The following VSTM5 variants were observed in gnomAD, a reference collection of about 807,000 sequenced individuals.
VSTM5 encodes V-set and transmembrane domain-containing protein 5.
A neutral mutation model predicts 20.3 loss-of-function variants in VSTM5; 21 were observed. That is an observed-to-expected ratio of 1.03 (90% CI 0.73 to 1.49). The LOEUF (loss-of-function observed/expected upper bound fraction) is 1.49, where lower values mean the gene tolerates loss of function less well. VSTM5 is among the 40% of genes most tolerant of loss of function. The pLI is 0.00. For missense variants in VSTM5, 219 were observed against 250.0 expected (o/e 0.88, Z 0.84); for synonymous variants, 100 against 102.5 (o/e 0.98, Z 0.14).
chr11:93,821,281 G>A lies in VSTM5; in HGVS notation c.134C>T (p.Ala45Val), dbSNP rs1290862773. 1.3e-6 allele frequency: 2 copies of A among 1,551,626 alleles called. No homozygotes were observed. Among genetic ancestry groups the A allele is most frequent in the African/African-American group, 1.4e-5 (1 of 73,028 alleles). The part of the protein sequence containing the change: ...SLYIPQATIN[A>V]TVKEDILLSV... ...GAGCAGGATGTCTTCTTTGACAGTG[G>A]CATTGATGGTGGCCTGAGGAATGTA... The change falls in exon 2 of 4, where the codon GCC (alanine) becomes GTC (valine). Residue 45 changes from alanine to valine, a missense_variant. Physicochemically the swap from Ala to Val is moderately conservative, Grantham distance 64. Coordinates refer to ENST00000409977, the MANE Select transcript of VSTM5 (RefSeq NM_001144871.2).
In VSTM5 at chr11:93,850,407, C is replaced by T. The variant is rs938157425; in HGVS notation, c.91+5G>A. 14 of 1,547,912 alleles carry T rather than the reference C, an allele frequency of 9.0e-6. No homozygotes were observed. Among genetic ancestry groups the T allele is most frequent in the African/African-American group, 1.4e-5 (1 of 72,858 alleles). ...CCAGCACCCGGGGCGTCCCCCGGAG[C>T]TTACTCTGCAGACAGCGGGCTGCGG... On this transcript the variant is annotated splice_donor_5th_base_variant and intron_variant, in intron 1 of 3. Transcript: ENST00000409977.
chr11:93,824,079 G>T (rs2510612), intron 1 of VSTM5, among the ~76,000 whole-genome samples: 152,238 of 152,238 alleles, frequency 1, 76,119 homozygotes, highest in Non-Finnish European at 1. Context: ...GGCTAATTTT[G>T]GTCTTTTTAG....
At chr11:93,849,087 G>T (rs1944436778) in intron 1 of VSTM5, among the ~76,000 whole-genome samples, 1 of 152,032 alleles carries the variant, frequency 6.6e-6, no homozygotes, top group South Asian at 2.1e-4. Flanking sequence ...AAAAATGTTA[G>T]ATCGTTCAGT....
In VSTM5 at chr11:93,850,604, T is replaced by A. The variant is rs141712974; in HGVS notation, c.-102A>T. On this transcript the variant is annotated 5_prime_UTR_variant, in exon 1 of 4. Coordinates refer to ENST00000409977, the MANE Select transcript of VSTM5 (RefSeq NM_001144871.2). Reference sequence around the variant, plus strand: ...TCCTCCGCCTCTGGCTGCCGCAGGTTCTTTAGGGCCAGATGCAGATGAGCT... The same window carrying A: ...TCCTCCGCCTCTGGCTGCCGCAGGTACTTTAGGGCCAGATGCAGATGAGCT... 3,264 of 611,158 alleles carry A rather than the reference T, an allele frequency of 5.3e-3. 93 individuals are homozygous for A. In the African/African-American group the frequency reaches 0.065, roughly 12 times the overall value. 37.9% of individuals were successfully genotyped at this position (611,158 alleles called of 1,614,324 possible).
At chr11:93,824,557 T>C (rs1452700740) in intron 1 of VSTM5, among the ~76,000 whole-genome samples, 1 of 152,230 alleles carries the variant, frequency 6.6e-6, no homozygotes, top group Non-Finnish European at 1.5e-5. Flanking sequence ...ATGAGTTTCA[T>C]GTATATTTTG....
chr11:93,839,770 T>C (rs114355321), intron 1 of VSTM5, among the ~76,000 whole-genome samples: 91 of 152,246 alleles, frequency 6.0e-4, no homozygotes, highest in African/African-American at 2.1e-3. Context: ...ATGGTTTGAA[T>C]AGTGTGTCGC....
intron 1 of VSTM5, among the ~76,000 whole-genome samples, chr11:93,846,164 A>G (rs749130887): frequency 1.4e-5 from 2 of 145,936 alleles, no homozygotes; most frequent in African/African-American, 5.6e-5. Flanking sequence ...CTTCAAAGCT[A>G]TTGATTTATA....
intron 1 of VSTM5, among the ~76,000 whole-genome samples, chr11:93,828,120 AT>A (rs1246797778): frequency 1.3e-5 from 2 of 152,246 alleles, no homozygotes; most frequent in African/African-American, 4.8e-5. Context: ...GGCCAGCAAA[AT>A]TTAAAGTTTA....
chr11:93,839,129 C>T (rs1433417029), intron 1 of VSTM5, among the ~76,000 whole-genome samples: 1 of 152,246 alleles, frequency 6.6e-6, no homozygotes, highest in Admixed American at 6.5e-5. Context: ...CTGATCTGAA[C>T]TGGGCCAATC....
intron 1 of VSTM5, among the ~76,000 whole-genome samples, chr11:93,845,787 G>A (rs1944407257): frequency 1.3e-5 from 2 of 152,256 alleles, no homozygotes; most frequent in South Asian, 4.1e-4. Flanking sequence ...GTCCCCAGAG[G>A]TATTGTGCAC....
chr11:93,849,798 C>G (rs986487877), intron 1 of VSTM5, among the ~76,000 whole-genome samples: 3 of 152,184 alleles, frequency 2.0e-5, no homozygotes, highest in Admixed American at 6.5e-5. Context: ...ATTCCGGGTC[C>G]GGCCATCCAA....
chr11:93,836,350 C>T (rs1187431896), intron 1 of VSTM5, among the ~76,000 whole-genome samples: 2 of 152,234 alleles, frequency 1.3e-5, no homozygotes, highest in Non-Finnish European at 2.9e-5. Context: ...TTGTCTGGCT[C>T]TCCATTGCTC....
At chr11:93,821,897 G>A (rs549345913) in intron 1 of VSTM5, 22 of 152,682 alleles carry the variant, frequency 1.4e-4, no homozygotes, top group Middle Eastern at 3.4e-3. Flanking sequence ...CTGAGTAAAT[G>A]AATAAGTGAA....
intron 1 of VSTM5, among the ~76,000 whole-genome samples, chr11:93,842,195 T>G (rs1321117237): frequency 6.6e-6 from 1 of 152,220 alleles, no homozygotes; most frequent in Non-Finnish European, 1.5e-5. Context: ...GGTAAGGTAA[T>G]GATCTCCCCA....
chr11:93,821,207 A>G lies in VSTM5; in HGVS notation c.208T>C (p.Ser70Pro), dbSNP rs1231670219. 1 of 1,552,112 alleles carries G rather than the reference A, an allele frequency of 6.4e-7. No individual in the cohort carries two copies. ...HGVPTIEWTY[S>P]SNWGTQKIVE... is the part of the protein sequence containing the mutation. ...ATCTTCTGCGTTCCCCAATTGGATG[A>G]ATATGTCCATTCGATGGTGGGCACT... Residue 70 changes from serine to proline, a missense_variant, in exon 2 of 4, where the codon TCA becomes CCA. By Grantham distance (74) the Ser-to-Pro change is moderately conservative (BLOSUM62 -1). Transcript: ENST00000409977.
At chr11:93,825,599 T>C (rs936907157) in intron 1 of VSTM5, among the ~76,000 whole-genome samples, 1 of 152,266 alleles carries the variant, frequency 6.6e-6, no homozygotes, top group Admixed American at 6.5e-5. Context: ...ATAGGGTATC[T>C]TTCCATTTAT....
At chr11:93,833,214 C>T (rs35642511) in intron 1 of VSTM5, among the ~76,000 whole-genome samples, 6,289 of 152,248 alleles carry the variant, frequency 0.041, 410 homozygotes, top group African/African-American at 0.14. Flanking sequence ...TCAGGTTAAA[C>T]CAAATATATA....
chr11:93,843,920 C>T (rs1944391664), intron 1 of VSTM5, among the ~76,000 whole-genome samples: 1 of 152,168 alleles, frequency 6.6e-6, no homozygotes, highest in Non-Finnish European at 1.5e-5. Flanking sequence ...ACCGCTTTCC[C>T]ATTCTCAGGT....
chr11:93,838,075 C>T (rs558369554), intron 1 of VSTM5, among the ~76,000 whole-genome samples: 2 of 152,240 alleles, frequency 1.3e-5, no homozygotes, highest in East Asian at 1.9e-4. Flanking sequence ...ACAGTGGAGC[C>T]GAAAGACCCA....
Sources: gnomAD v4.1 joint callset for allele counts (sites outside exome capture counted in the v4.1 genomes callset) on GRCh38, gnomAD v4.1.1 for gene constraint, MANE v1.5 for transcripts, NCBI Gene and HGNC (gene_info 2026-07-23, HGNC 2026-07-21) for gene names.